DSCAM: variants seen among roughly 807,000 people sequenced by gnomAD.
The protein encoded by DSCAM is cell adhesion molecule DSCAM.
In DSCAM, 47 loss-of-function variants were observed where a neutral mutation model predicts 217.7. That is an observed-to-expected ratio of 0.22 (90% CI 0.17 to 0.28). The LOEUF is 0.28. DSCAM is among the 10% of genes least tolerant of loss of function. DSCAM has a pLI of 1.00. For synonymous variants in DSCAM, 1,056 were observed against 1,015.3 expected, an observed-to-expected ratio of 1.04 and a Z score of -0.76; for missense variants, 2,080 against 2,618.3, an observed-to-expected ratio of 0.79 and a Z score of 4.49.
chr21:40,835,461 T>G (rs1435428029), intron 1 of DSCAM, among the ~76,000 whole-genome samples: 1 of 152,188 alleles, frequency 6.6e-6, no homozygotes, highest in Non-Finnish European at 1.5e-5. Flanking sequence ...AAACTATTAT[T>G]GTAAAGAGAC....
At chr21:40,437,300 G>A (rs1024848227) in intron 3 of DSCAM, among the ~76,000 whole-genome samples, 1 of 152,062 alleles carries the variant, frequency 6.6e-6, no homozygotes, top group African/African-American at 2.4e-5. Context: ...GAATCACAAG[G>A]GGGATTCAAG....
chr21:40,192,800 A>AT (rs1236784609), intron 11 of DSCAM, among the ~76,000 whole-genome samples: 4 of 152,098 alleles, frequency 2.6e-5, no homozygotes, highest in African/African-American at 7.2e-5. Context: ...GATATACTGC[A>AT]TTTTTTTAAA....
rs1341741094 is a variant in DSCAM at position 40,692,852 on chromosome 21, T to C, written c.466A>G (p.Thr156Ala). Residue 156 changes from threonine (T) to alanine (A), a missense_variant, in exon 3 of 33, where the codon ACT becomes GCT. Coordinates refer to ENST00000400454, the MANE Select transcript of DSCAM (RefSeq NM_001389.5). The part of the protein sequence containing the change: ...IIPSSVEAYI[T>A]VVSWEKDTVS... ...GTGTCTTTCTCCCATGAGACGACAG[T>C]GATGTACGCCTCCACCGAGGAGGGG... The C allele has an allele frequency of 6.2e-7, 1 of 1,613,856 alleles. No individual in the cohort carries two copies. Among genetic ancestry groups the C allele is most frequent in the East Asian group, 2.2e-5 (1 of 44,858 alleles).
chr21:40,776,737 C>A (rs936254154), intron 1 of DSCAM, among the ~76,000 whole-genome samples: 2 of 152,118 alleles, frequency 1.3e-5, no homozygotes, highest in Non-Finnish European at 2.9e-5. Context: ...GGATCCTGGT[C>A]TTTGTTCTAT....
In DSCAM at chr21:40,141,133, T is replaced by C. The variant is rs149901596; in HGVS notation, c.3406+1425A>G. Among the ~76,000 whole-genome samples the C allele has an allele frequency of 9.8e-4, 149 of 152,376 alleles. 1 individual carries two copies. The highest frequency in any genetic ancestry group is 3.3e-3 in the African/African-American group (136 of 41,598). On this transcript the variant is annotated intron_variant, in intron 18 of 32. Coordinates refer to ENST00000400454, the MANE Select transcript of DSCAM (RefSeq NM_001389.5). ...TGCTGCTCATGTGTCTTCTTGCCTT[T>C]ACTGTTGCACCAACCGTGGAGGCTG... is the stretch of plus-strand genomic sequence containing the variant.
chr21:40,698,761 T>C (rs922096540), intron 2 of DSCAM, among the ~76,000 whole-genome samples: 2 of 151,166 alleles, frequency 1.3e-5, no homozygotes, highest in Non-Finnish European at 2.9e-5. Context: ...TCCCAGCTAC[T>C]AGTGCGGCTG....
In DSCAM at chr21:40,517,703, A is replaced by C. The variant is rs576768269; in HGVS notation, c.509-148458T>G. ...CACATAAATAGGAGCTGTGTAAAAA[A>C]CCAAAGTGCTTCCTCTCTGATCCCC... On this transcript the variant is annotated intron_variant, in intron 3 of 32. Coordinates refer to ENST00000400454, the MANE Select transcript of DSCAM (RefSeq NM_001389.5). Among the ~76,000 whole-genome samples, 69 of 152,228 alleles carry C rather than the reference A, an allele frequency of 4.5e-4. 1 individual carries two copies. The South Asian group carries it at 0.014, about 31-fold the overall frequency.
intron 11 of DSCAM, among the ~76,000 whole-genome samples, chr21:40,225,991 A>G (rs2091329590): frequency 6.6e-6 from 1 of 152,242 alleles, no homozygotes; most frequent in South Asian, 2.1e-4. Context: ...GGTTTGATAA[A>G]GACTTTCTAC....
intron 4 of DSCAM, among the ~76,000 whole-genome samples, chr21:40,360,020 G>A (rs2123670329): frequency 6.6e-6 from 1 of 151,632 alleles, no homozygotes; most frequent in South Asian, 2.1e-4. Context: ...TTAGATATAG[G>A]CGGTATATGT....
chr21:40,722,290 A>G (rs947968738), intron 1 of DSCAM, among the ~76,000 whole-genome samples: 1 of 152,158 alleles, frequency 6.6e-6, no homozygotes, highest in Non-Finnish European at 1.5e-5. Flanking sequence ...CTCACTTTAA[A>G]TCATCAAAAG....
At chr21:40,620,428 G>C (rs564040723) in intron 3 of DSCAM, among the ~76,000 whole-genome samples, 1 of 141,480 alleles carries the variant, frequency 7.1e-6, no homozygotes, top group Admixed American at 7.1e-5. Flanking sequence ...AGAGAAGAGG[G>C]AGGGGGAAGG....
intron 1 of DSCAM, among the ~76,000 whole-genome samples, chr21:40,789,729 G>A (rs577466787): frequency 2.0e-5 from 3 of 152,064 alleles, no homozygotes; most frequent in African/African-American, 7.2e-5. Context: ...CTAATTTTTT[G>A]TACTTTTAGT....
intron 1 of DSCAM, among the ~76,000 whole-genome samples, chr21:40,838,397 G>T (rs2092073665): frequency 6.6e-6 from 1 of 152,184 alleles, no homozygotes; most frequent in Non-Finnish European, 1.5e-5. Flanking sequence ...ATTCACGCTG[G>T]TCCTAACACC....
intron 20 of DSCAM, among the ~76,000 whole-genome samples, chr21:40,112,076 T>A (rs2089906288): frequency 6.6e-6 from 1 of 150,718 alleles, no homozygotes; most frequent in Admixed American, 6.6e-5. Flanking sequence ...CTAATAGACA[T>A]CTACAGAACT....
At chr21:40,094,368 C>T (rs1311618866) in intron 20 of DSCAM, among the ~76,000 whole-genome samples, 3 of 152,170 alleles carry the variant, frequency 2.0e-5, no homozygotes, top group Admixed American at 6.5e-5. Context: ...ACCTCCTCAA[C>T]TCGGGAGGTT....
chr21:40,477,684 C>A (rs1240852171), intron 3 of DSCAM, among the ~76,000 whole-genome samples: 1 of 152,136 alleles, frequency 6.6e-6, no homozygotes, highest in African/African-American at 2.4e-5. Context: ...GTCTGCTTTT[C>A]ATTTGAGCAC....
intron 3 of DSCAM, among the ~76,000 whole-genome samples, chr21:40,510,913 C>G (rs941185722): frequency 2.6e-5 from 4 of 152,208 alleles, no homozygotes; most frequent in African/African-American, 9.6e-5. Context: ...CCTGCCAGAT[C>G]TGACCCATAG....
chr21:40,702,261 T>C (rs781534607), intron 2 of DSCAM, among the ~76,000 whole-genome samples: 11 of 152,326 alleles, frequency 7.2e-5, no homozygotes, highest in South Asian at 4.1e-4. Context: ...CCTGCCATTA[T>C]GCATACAACT....
intron 3 of DSCAM, among the ~76,000 whole-genome samples, chr21:40,678,332 A>G (rs919877019): frequency 5.3e-4 from 80 of 152,342 alleles, no homozygotes; most frequent in African/African-American, 1.6e-3. Context: ...AGAAATTTTC[A>G]ACTGAACACA....
Sources: allele counts gnomAD v4.1 joint callset (sites outside exome capture counted in the v4.1 genomes callset), GRCh38; gene constraint gnomAD v4.1.1; transcripts MANE v1.5; gene names NCBI Gene and HGNC (gene_info 2026-07-23, HGNC 2026-07-21).